COL2A1: variants seen among roughly 807,000 people sequenced by gnomAD.
COL2A1 encodes collagen type II alpha 1 chain.
A neutral mutation model predicts 204.5 loss-of-function variants in COL2A1; 28 were observed. The observed-to-expected ratio is 0.14, with a 90% CI of 0.10 to 0.19. COL2A1 has a LOEUF of 0.19. Among genes scored for constraint, COL2A1 ranks in the 10% least tolerant of loss-of-function variants. The pLI is 1.00. For synonymous variants in COL2A1, 708 were observed against 718.7 expected (o/e 0.99, Z 0.24); for missense variants, 1,388 against 2,027.5 (o/e 0.68, Z 6.06).
rs121912893 is a variant in COL2A1 at position 47,983,721 on chromosome 12, G to T, written c.1957C>A (p.Arg653=). The T allele has an allele frequency of 6.3e-7, 1 of 1,595,110 alleles. No homozygotes were observed. The highest frequency in any genetic ancestry group is 8.5e-7 in the Non-Finnish European group (1 of 1,170,816). The change falls in exon 30 of 54, where the codon CGA becomes AGA. Residue 653 remains arginine (R), a synonymous_variant. Transcript: ENST00000380518. ...GGCCCAGGAGCACCCTGCTCGCCTC[G>T]TTCACCAGCAGGTCCCTGCAGTGGA... The part of the protein sequence containing the change: ...PPGPAGPAGE[R]GEQGAPGPSG...
chr12:47,992,562 T>G (rs1015002374), intron 16 of COL2A1, among the ~76,000 whole-genome samples: 2 of 152,154 alleles, frequency 1.3e-5, no homozygotes, highest in Non-Finnish European at 2.9e-5. Flanking sequence ...GGTGGTGCTA[T>G]AGCCAGCTAA....
At chr12:48,003,037 A>C (rs960887953) in intron 1 of COL2A1, 5 of 152,244 alleles carry the variant, frequency 3.3e-5, no homozygotes, top group Non-Finnish European at 7.3e-5. Context: ...CGATTGATTT[A>C]CAATCTGTAA....
Position 47,997,750 on chromosome 12 carries a change from C to T in COL2A1, c.430-43G>A, listed in dbSNP as rs185296555. The T allele has an allele frequency of 1.2e-4, 198 of 1,613,870 alleles. No homozygotes were observed. In the African/African-American group the frequency reaches 2.5e-3, roughly 21 times the overall value. On this transcript the variant is annotated intron_variant, in intron 6 of 53. Coordinates refer to ENST00000380518, the MANE Select transcript of COL2A1 (RefSeq NM_001844.5). ...AAGGCATCAATGGGAAGCAGTGTTT[C>T]TCCAAGAGCCATCTGTCCCTTGGCT...
In COL2A1 at chr12:47,994,370, A is replaced by T; in HGVS notation, c.816+54T>A. The T allele has an allele frequency of 2.5e-6, 4 of 1,599,802 alleles. No homozygotes were observed. In the South Asian group the frequency reaches 3.3e-5, roughly 13 times the overall value. ...AACTGGATGCACTGTGTTTAAGGCC[A>T]CAGGGAGGGAGACGCTAGGAAAGAT... On this transcript the variant is annotated intron_variant, in intron 12 of 53. Transcript: ENST00000380518.
intron 16 of COL2A1, 147 bp downstream of exon 16, chr12:47,992,731 G>A (rs1939763963): frequency 1.2e-6 from 1 of 833,436 alleles, no homozygotes; most frequent in East Asian, 2.6e-5. Context: ...AGCCTGGGAA[G>A]TTTTGATGGG....
rs371650515 is a variant in COL2A1 at position 47,987,169 on chromosome 12, G to A, written c.1274C>T (p.Pro425Leu). The A allele has an allele frequency of 3.1e-6, 5 of 1,613,992 alleles. No individual in the cohort carries two copies. In the African/African-American group the frequency reaches 6.7e-5, roughly 22 times the overall value. Residue 425 changes from proline to leucine, a missense_variant, in exon 21 of 54, where the codon CCT becomes CTT. This residue lies in a region of COL2A1 where 884 missense variants were observed against 1,415.8 expected (regional missense o/e 0.62). Coordinates refer to ENST00000380518, the MANE Select transcript of COL2A1 (RefSeq NM_001844.5). The surrounding 1 kb of genome is among the most constrained non-coding windows in gnomAD (Gnocchi z 4.1). ...IPGAKGSAGAPGIAGAPGFPG... is the reference protein window; with the variant it reads ...IPGAKGSAGALGIAGAPGFPG... ...GAAGCCAGGAGCACCAGCAATGCCA[G>A]GAGCACCCTGTGGGCATGAGAAGAA...
chr12:47,979,722 G>T (rs1443508965), intron 40 of COL2A1, among the ~76,000 whole-genome samples, 158 bp from the exon 41 acceptor site: 2 of 152,194 alleles, frequency 1.3e-5, no homozygotes, highest in South Asian at 4.1e-4. Context: ...GGGCCCCCGG[G>T]TCTGGTCATA....
chr12:47,997,629 G>C lies in COL2A1; in HGVS notation c.508C>G (p.Pro170Ala), dbSNP rs200882049. 1 of 1,613,834 alleles carries C rather than the reference G, an allele frequency of 6.2e-7. No individual in the cohort carries two copies. Among genetic ancestry groups the C allele is most frequent in the Middle Eastern group, 1.6e-4 (1 of 6,062 alleles). Residue 170 changes from proline (P) to alanine (A), a missense_variant, in exon 7 of 54, where the codon CCT (proline) becomes GCT (alanine). By Grantham distance (27) the Pro-to-Ala change is conservative. This residue lies in a region of COL2A1 where 201 missense variants were observed against 242.4 expected (regional missense o/e 0.83). Coordinates refer to ENST00000380518, the MANE Select transcript of COL2A1 (RefSeq NM_001844.5). ...NPGPPGPPGP[P>A]GPPGLGGNFA... Reference sequence around the variant, plus strand: ...ACTCCACCAAGACCAGGGGGACCAGGGGGGCCGGGAGGACCAGGGGGGCCA... The same window carrying C: ...ACTCCACCAAGACCAGGGGGACCAGCGGGGCCGGGAGGACCAGGGGGGCCA...
chr12:47,990,060 G>A (rs2136592044), intron 16 of COL2A1, among the ~76,000 whole-genome samples: 1 of 152,336 alleles, frequency 6.6e-6, no homozygotes, highest in East Asian at 1.9e-4. Flanking sequence ...AGGCTGGAGT[G>A]CAGTGGTGCG....
intron 7 of COL2A1, among the ~76,000 whole-genome samples, chr12:47,996,952 C>G (rs188054003): frequency 6.6e-6 from 1 of 152,136 alleles, no homozygotes; most frequent in African/African-American, 2.4e-5. Context: ...CATAACCAAA[C>G]CTTCTAAGGG....
chr12:47,977,134 G>A lies in COL2A1; in HGVS notation c.3295C>T (p.Pro1099Ser). Reference sequence around the variant, plus strand: ...CCCCGGGCTCCAGCTGGTCCTGAGGGTCCCATGGGGCCTTGTGCACCCTGA... The same window carrying A: ...CCCCGGGCTCCAGCTGGTCCTGAGGATCCCATGGGGCCTTGTGCACCCTGA... ...GEAGAQGPMG[P>S]SGPAGARGIQ... Residue 1099 changes from proline (P) to serine (S), a missense_variant, in exon 47 of 54, where the codon CCC becomes TCC. By Grantham distance (74) the Pro-to-Ser change is moderately conservative. Around this residue, in one of 3 missense-constraint regions of COL2A1, gnomAD observed 884 missense variants for 1,415.8 expected, o/e 0.62. Coordinates refer to ENST00000380518, the MANE Select transcript of COL2A1 (RefSeq NM_001844.5). 2.5e-6 allele frequency: 4 copies of A among 1,610,414 alleles called. No homozygotes were observed. Among genetic ancestry groups the A allele is most frequent in the Non-Finnish European group, 3.4e-6 (4 of 1,178,780 alleles).
At position 47,985,812 on chromosome 12, in the gene COL2A1, C is replaced by G. The variant is rs774901867; in HGVS notation, c.1596G>C (p.Glu532Asp). The change falls in exon 25 of 54, where the codon GAG becomes GAC. Residue 532 changes from glutamate to aspartate, a missense_variant. Transcript: ENST00000380518. Reference sequence around the variant, plus strand: ...GGCCAGCAAGACCACTGGGCCCTCGCTCTCCAGGGGCTCCCTACAAGGGTA... The same window carrying G: ...GGCCAGCAAGACCACTGGGCCCTCGGTCTCCAGGGGCTCCCTACAAGGGTA... ...GLAGPKGAPG[E>D]RGPSGLAGPK... The G allele has an allele frequency of 6.2e-7, 1 of 1,611,164 alleles. No homozygotes were observed. The highest frequency in any genetic ancestry group is 8.5e-7 in the Non-Finnish European group (1 of 1,178,782).
intron 44 of COL2A1, among the ~76,000 whole-genome samples, 172 bp from the exon 45 acceptor site, chr12:47,977,825 G>T (rs888600001): frequency 4.6e-5 from 7 of 152,140 alleles, no homozygotes; most frequent in African/African-American, 1.7e-4. Context: ...AGCAGCCCTT[G>T]GTCTCTATGC....
At chr12:48,002,581 G>C (rs1635527) in intron 1 of COL2A1, 77,159 of 152,012 alleles carry the variant, frequency 0.51, 19,849 homozygotes, top group Middle Eastern at 0.57. Flanking sequence ...CGATGAGAGA[G>C]CTCTACCGCC....
At chr12:48,004,173 G>C in intron 1 of COL2A1, 64 bp downstream of exon 1, 1 of 1,250,132 alleles carries the variant, frequency 8.0e-7, no homozygotes. Context: ...GAGCGGGCCG[G>C]GGAGAAGGAT....
Position 47,978,869 on chromosome 12 carries a change from C to T in COL2A1, c.2734-111G>A. ...AGTTTCCTCTCTGGGGGCTTCTCTA[C>T]CTCCCCACACTAAGGGCAGGCAGCT... On this transcript the variant is annotated intron_variant, in intron 41 of 53. Transcript: ENST00000380518. The surrounding 1 kb of genome is among the most constrained non-coding windows in gnomAD (Gnocchi z 5.5). The T allele has an allele frequency of 1.8e-6, 2 of 1,105,114 alleles. No individual in the cohort carries two copies. The highest frequency in any genetic ancestry group is 2.7e-6 in the Non-Finnish European group (2 of 741,434). The allele number at this position is 1,105,114 out of a possible 1,614,324, so 68.5% of individuals were successfully genotyped here. A position where few individuals can be genotyped will look rare whatever the true frequency, so the allele number is the denominator to read the frequency against.
At chr12:47,979,885 G>T in intron 40 of COL2A1, 124 bp downstream of exon 40, 1 of 905,426 alleles carries the variant, frequency 1.1e-6, no homozygotes, top group Non-Finnish European at 1.7e-6. Context: ...GGTGGGCTTA[G>T]GCTGGGGACC....
At chr12:47,986,618 T>C (rs1939431392) in intron 22 of COL2A1, among the ~76,000 whole-genome samples, 175 bp from the exon 23 acceptor site, 1 of 152,150 alleles carries the variant, frequency 6.6e-6, no homozygotes, top group South Asian at 2.1e-4. Context: ...TGAGAGGGGC[T>C]AAAGATCCAA....
At chr12:47,993,351 G>T in intron 15 of COL2A1, 107 bp downstream of exon 15, 1 of 924,408 alleles carries the variant, frequency 1.1e-6, no homozygotes, top group Non-Finnish European at 1.8e-6. Context: ...ACAATCAGAT[G>T]AAATCTACAA....
Sources: allele counts gnomAD v4.1 joint callset (sites outside exome capture counted in the v4.1 genomes callset), GRCh38; gene constraint gnomAD v4.1.1; regional missense constraint gnomAD v4.1.1; non-coding constraint Gnocchi (gnomAD v3.1); transcripts MANE v1.5; gene names NCBI Gene and HGNC (gene_info 2026-07-23, HGNC 2026-07-21).